The following ROR1 variants were observed in gnomAD, a reference collection of about 807,000 sequenced individuals.
ROR1 encodes inactive tyrosine-protein kinase transmembrane receptor ROR1.
ROR1 carries 19 observed loss-of-function variants against 78.8 expected under a neutral mutation model. The observed-to-expected ratio is 0.24, with a 90% CI of 0.17 to 0.35. The LOEUF (loss-of-function observed/expected upper bound fraction) is 0.35, where lower values mean the gene tolerates loss of function less well. Among genes scored for constraint, ROR1 ranks in the 10% least tolerant of loss-of-function variants. The probability of loss-of-function intolerance (pLI) is 1.00; values close to 1 mark genes in which losing one functional copy is unlikely to be tolerated. For missense variants in ROR1, 917 were observed against 1,177.8 expected (o/e 0.78, Z 3.24); for synonymous variants, 386 against 433.6 (o/e 0.89, Z 1.36).
In ROR1 at chr1:63,895,567, TATTCACACATCTCG is replaced by T. The variant is rs528704483; in HGVS notation, c.92-113734_92-113721del. Among the ~76,000 whole-genome samples the T allele has an allele frequency of 2.7e-3, 417 of 152,270 alleles. 1 individual carries two copies. Among genetic ancestry groups the T allele is most frequent in the African/African-American group, 9.0e-3 (376 of 41,556 alleles). On this transcript the variant is annotated intron_variant, in intron 1 of 8. Transcript: ENST00000371079. ...AGAAAAGATGAAGGCCAAGAATTGA[TATTCACACATCTCG>T]ATTAGGTACCTGGCATATCATTAGC...
At chr1:64,083,704 T>G (rs767905853) in intron 4 of ROR1, among the ~76,000 whole-genome samples, 7 of 151,866 alleles carry the variant, frequency 4.6e-5, no homozygotes, top group Admixed American at 6.6e-5. Flanking sequence ...GAGAGAAACC[T>G]CTTTTCTGGA....
At chr1:64,051,455 T>A (rs12124912) in intron 4 of ROR1, among the ~76,000 whole-genome samples, 6 of 39,192 alleles carry the variant, frequency 1.5e-4, no homozygotes, top group Non-Finnish European at 3.1e-4. Flanking sequence ...GTCTCAAAAA[T>A]AAAAAATAAA....
intron 1 of ROR1, among the ~76,000 whole-genome samples, chr1:63,999,907 CA>C (rs1557602271): frequency 6.6e-6 from 1 of 152,156 alleles, no homozygotes; most frequent in Non-Finnish European, 1.5e-5. Flanking sequence ...GAGTCAAGAA[CA>C]AACTCTCAGT....
At chr1:63,795,431 C>T (rs1644754545) in intron 1 of ROR1, among the ~76,000 whole-genome samples, 1 of 152,162 alleles carries the variant, frequency 6.6e-6, no homozygotes, top group Non-Finnish European at 1.5e-5. Flanking sequence ...TGTTTTCTGA[C>T]CTTTTAAGGA....
intron 4 of ROR1, among the ~76,000 whole-genome samples, chr1:64,054,575 A>G (rs893468244): frequency 6.6e-6 from 1 of 152,234 alleles, no homozygotes; most frequent in Non-Finnish European, 1.5e-5. Context: ...TATACATGCC[A>G]TGTTCAAACA....
chr1:64,067,444 C>CAAAAAAAAAAAAAAAAAAAA (rs58105318), intron 4 of ROR1, among the ~76,000 whole-genome samples: 1 of 57,476 alleles, frequency 1.7e-5, no homozygotes, highest in Non-Finnish European at 3.3e-5. Context: ...GCCTCCGTCT[C>CAAAAAAAAAAAAAAAAAAAA]AAAAAAAAAA....
At chr1:64,177,364 C>T in intron 8 of ROR1, 64 bp from the exon 9 acceptor site, 24 of 1,256,260 alleles carry the variant, frequency 1.9e-5, no homozygotes, top group Non-Finnish European at 2.5e-5. Flanking sequence ...TCCCTCCTTT[C>T]GGATGCAAAG....
intron 2 of ROR1, among the ~76,000 whole-genome samples, chr1:64,019,212 A>G (rs556507855): frequency 6.6e-6 from 1 of 152,156 alleles, no homozygotes; most frequent in Non-Finnish European, 1.5e-5. Context: ...ACTCTTCATG[A>G]TATTCTAACA....
chr1:63,857,938 A>G (rs1381084126), intron 1 of ROR1, among the ~76,000 whole-genome samples: 1 of 152,170 alleles, frequency 6.6e-6, no homozygotes, highest in Non-Finnish European at 1.5e-5. Flanking sequence ...AGTAGGATAT[A>G]AGTAGGATAA....
At chr1:63,987,975 T>C (rs555157164) in intron 1 of ROR1, among the ~76,000 whole-genome samples, 3 of 152,344 alleles carry the variant, frequency 2.0e-5, no homozygotes, top group African/African-American at 7.2e-5. Context: ...CTATTTACAT[T>C]AAGAAGACCT....
rs1004118496 is a variant in ROR1 at position 64,118,589 on chromosome 1, C to T, written c.483-18780C>T. Among the ~76,000 whole-genome samples the T allele has an allele frequency of 6.4e-5, 9 of 141,730 alleles. No homozygotes were observed. In the South Asian group the frequency reaches 6.8e-4, roughly 11 times the overall value. The allele number at this position is 141,730 out of a possible 152,430, so 93.0% of individuals were successfully genotyped here. The stretch of plus-strand genomic sequence containing the variant: ...CAGAGGTAGCAGTGAGCCAAGATTG[C>T]GCCACTGCACTCCAGCCTGAGCTAC... On this transcript the variant is annotated intron_variant, in intron 4 of 8. Coordinates refer to ENST00000371079, the MANE Select transcript of ROR1 (RefSeq NM_005012.4).
intron 1 of ROR1, among the ~76,000 whole-genome samples, chr1:63,797,806 A>C (rs546140224): frequency 6.6e-6 from 1 of 151,456 alleles, no homozygotes; most frequent in South Asian, 2.1e-4. Context: ...TATTAAATTT[A>C]GGGACACCTT....
intron 2 of ROR1, among the ~76,000 whole-genome samples, chr1:64,025,294 G>A (rs561128052): frequency 7.9e-5 from 12 of 152,100 alleles, no homozygotes; most frequent in East Asian, 7.7e-4. Flanking sequence ...GGCTGATAAC[G>A]TGATTCCCGT....
At chr1:64,067,710 C>CTTTTTTT (rs986756579) in intron 4 of ROR1, among the ~76,000 whole-genome samples, 4 of 105,698 alleles carry the variant, frequency 3.8e-5, no homozygotes, top group Admixed American at 1.0e-4. Context: ...TAAATAAATT[C>CTTTTTTT]TTTTTTTTTT....
chr1:63,795,554 G>A (rs963580981), intron 1 of ROR1, among the ~76,000 whole-genome samples: 1 of 152,154 alleles, frequency 6.6e-6, no homozygotes, highest in Non-Finnish European at 1.5e-5. Context: ...CAAGCTCATG[G>A]AGTAAGCTCT....
intron 4 of ROR1, among the ~76,000 whole-genome samples, chr1:64,083,034 T>C (rs937878324): frequency 2.3e-4 from 35 of 152,116 alleles, no homozygotes; most frequent in Admixed American, 2.2e-3. Flanking sequence ...GCAATCAGGA[T>C]TGAGGGATAA....
chr1:63,940,948 C>A (rs1228914251), intron 1 of ROR1, among the ~76,000 whole-genome samples: 1 of 152,180 alleles, frequency 6.6e-6, no homozygotes, highest in Non-Finnish European at 1.5e-5. Context: ...TTCTGACCAA[C>A]ACTGCGTAAC....
intron 1 of ROR1, among the ~76,000 whole-genome samples, chr1:63,968,142 G>A (rs1391703701): frequency 6.6e-6 from 1 of 152,210 alleles, no homozygotes; most frequent in Admixed American, 6.5e-5. Context: ...AGTTGTATCC[G>A]AAGCTAGTCA....
intron 1 of ROR1, among the ~76,000 whole-genome samples, chr1:63,940,486 TAGATAGACAGAC>T (rs141441613): frequency 0.35 from 33,839 of 96,268 alleles, 4,348 homozygotes; most frequent in East Asian, 0.53. Flanking sequence ...GATAGACAGA[TAGATAGACAGAC>T]AGATAGATAG....
Sources: gnomAD v4.1 joint callset for allele counts (sites outside exome capture counted in the v4.1 genomes callset) on GRCh38, gnomAD v4.1.1 for gene constraint, MANE v1.5 for transcripts, NCBI Gene and HGNC (gene_info 2026-07-23, HGNC 2026-07-21) for gene names.